HYDIN: variants seen among roughly 807,000 people sequenced by gnomAD.
HYDIN encodes the protein HYDIN axonemal central pair apparatus protein, also known as axonemal central pair apparatus protein HYDIN.
In HYDIN, 132 loss-of-function variants were observed where a neutral mutation model predicts 403.9. That is an observed-to-expected ratio of 0.33 (90% CI 0.28 to 0.38). HYDIN has a LOEUF of 0.38. Ranked by LOEUF, HYDIN falls within the 10% of genes least tolerant of loss-of-function variation. The pLI is 1.00. For missense variants in HYDIN, 2,827 were observed against 5,009.5 expected (o/e 0.56, Z 13.15); for synonymous variants, 1,202 against 1,891.7 (o/e 0.64, Z 9.46).
At chr16:71,172,450 T>A (rs1304376486) in intron 5 of HYDIN, among the ~76,000 whole-genome samples, 1 of 152,240 alleles carries the variant, frequency 6.6e-6, no homozygotes, top group East Asian at 1.9e-4. Context: ...ATGATGACAC[T>A]GGCTATCACA....
chr16:71,226,303 CTGATTT>C (rs1380268862), intron 1 of HYDIN, among the ~76,000 whole-genome samples: 1 of 152,130 alleles, frequency 6.6e-6, no homozygotes, highest in Middle Eastern at 3.2e-3. Flanking sequence ...ACATGGTCAA[CTGATTT>C]TTGACAAAGG....
intron 75 of HYDIN, among the ~76,000 whole-genome samples, chr16:70,846,458 C>T (rs2038209974): frequency 6.7e-6 from 1 of 150,026 alleles, no homozygotes; most frequent in East Asian, 2.0e-4. Context: ...AGCTTTACTT[C>T]CAAGTATGTG....
At position 70,964,868 on chromosome 16, in the gene HYDIN, G is replaced by T; in HGVS notation, c.5648C>A (p.Ser1883Tyr). Residue 1883 changes from serine (S) to tyrosine (Y), a missense_variant, in exon 37 of 86, where the codon TCC (serine) becomes TAC (tyrosine). Coordinates refer to ENST00000393567, the MANE Select transcript of HYDIN (RefSeq NM_001270974.2). Reference protein sequence around the residue: ...KILRKLKGYDSYNTLLLPPRN... With the variant: ...KILRKLKGYDYYNTLLLPPRN... ...GGGAGGCAGCAGCAGGGTGTTGTAG[G>T]AATCATAGCCCTTCAGCTTCCGCAA... 1 of 1,613,660 alleles carries T rather than the reference G, an allele frequency of 6.2e-7. No individual in the cohort carries two copies. The highest frequency in any genetic ancestry group is 8.5e-7 in the Non-Finnish European group (1 of 1,179,856).
intron 83 of HYDIN, among the ~76,000 whole-genome samples, chr16:70,823,014 T>C (rs1215270869): frequency 1.2e-5 from 1 of 81,222 alleles, no homozygotes; most frequent in Non-Finnish European, 2.4e-5. Flanking sequence ...TGTAATTTAA[T>C]TTTCTGCCTC....
chr16:71,198,836 CA>C (rs2087839322), intron 1 of HYDIN, among the ~76,000 whole-genome samples: 2 of 152,154 alleles, frequency 1.3e-5, no homozygotes, highest in Non-Finnish European at 2.9e-5. Context: ...CAAACTCAGA[CA>C]AGTTGGTAAT....
intron 11 of HYDIN, 31 bp downstream of exon 11, chr16:71,093,786 T>G: frequency 6.2e-7 from 1 of 1,605,538 alleles, no homozygotes; most frequent in Non-Finnish European, 8.5e-7. Context: ...AAGTACTGTT[T>G]GAAGTATCAA....
intron 18 of HYDIN, among the ~76,000 whole-genome samples, chr16:71,057,774 T>G (rs1324219019): frequency 6.8e-6 from 1 of 147,426 alleles, no homozygotes; most frequent in East Asian, 2.0e-4. Context: ...CATCAAAAAG[T>G]GGGCGAAGGA....
chr16:71,054,357 T>C (rs1318807708), intron 18 of HYDIN, among the ~76,000 whole-genome samples: 6 of 152,400 alleles, frequency 3.9e-5, no homozygotes, highest in Admixed American at 3.3e-4. Context: ...AATCTACTCA[T>C]TGAAGCCTGA....
intron 84 of HYDIN, 138 bp from the exon 85 acceptor site, chr16:70,810,145 C>T: frequency 1.3e-6 from 1 of 748,934 alleles, no homozygotes; most frequent in African/African-American, 1.7e-5. Context: ...TCCTGGGGAA[C>T]CTGTCCAAAC....
At chr16:71,022,563 GACAGA>G (rs2080537056) in intron 21 of HYDIN, among the ~76,000 whole-genome samples, 1 of 152,054 alleles carries the variant, frequency 6.6e-6, no homozygotes, top group South Asian at 2.1e-4. Context: ...AAATCAGGGA[GACAGA>G]ACAGATAATT....
chr16:71,174,790 C>G (rs73579049), intron 5 of HYDIN, among the ~76,000 whole-genome samples: 6,635 of 152,248 alleles, frequency 0.044, 213 homozygotes, highest in Middle Eastern at 0.092. Context: ...ACTGCAGGCT[C>G]TTCTTAGACT....
chr16:71,108,551 C>A (rs10744984), intron 10 of HYDIN, among the ~76,000 whole-genome samples: 1 of 151,962 alleles, frequency 6.6e-6, no homozygotes, highest in East Asian at 1.9e-4. Flanking sequence ...AGTTTCCAAT[C>A]GTTGCTACAA....
At chr16:70,889,745 CG>C in intron 57 of HYDIN, 41 bp from the exon 58 acceptor site, 3 of 631,774 alleles carry the variant, frequency 4.7e-6, no homozygotes, top group Admixed American at 3.2e-5. Flanking sequence ...ATTGTGGGGT[CG>C]GGGGTAACAT....
chr16:71,188,366 G>A (rs1030359419), intron 1 of HYDIN, among the ~76,000 whole-genome samples: 1 of 152,116 alleles, frequency 6.6e-6, no homozygotes, highest in South Asian at 2.1e-4. Context: ...TCTTCTAGGC[G>A]CATGAGTGGC....
At chr16:70,864,156 C>A (rs1479260909) in intron 67 of HYDIN, among the ~76,000 whole-genome samples, 1 of 151,078 alleles carries the variant, frequency 6.6e-6, no homozygotes, top group Non-Finnish European at 1.5e-5. Context: ...CATAGTGAAA[C>A]CCTGTCTCTT....
At chr16:71,028,607 T>C (rs1005855203) in intron 19 of HYDIN, among the ~76,000 whole-genome samples, 1 of 151,950 alleles carries the variant, frequency 6.6e-6, no homozygotes, top group African/African-American at 2.4e-5. Flanking sequence ...AATATTTTCT[T>C]AGGGAAAAAC....
chr16:70,933,692 G>A (rs1006423840), intron 45 of HYDIN: 1 of 154,786 alleles, frequency 6.5e-6, no homozygotes, highest in African/African-American at 2.4e-5. Flanking sequence ...TTCCCAGCAG[G>A]GAGTGTCACA....
At chr16:70,973,019 G>C (rs1504905) in intron 35 of HYDIN, among the ~76,000 whole-genome samples, 7 of 151,638 alleles carry the variant, frequency 4.6e-5, no homozygotes, top group African/African-American at 1.7e-4. Flanking sequence ...TATGCAACAT[G>C]ACTATTTTTT....
intron 28 of HYDIN, among the ~76,000 whole-genome samples, chr16:70,984,091 T>C (rs1477928228): frequency 6.6e-6 from 1 of 152,248 alleles, no homozygotes; most frequent in Non-Finnish European, 1.5e-5. Context: ...CTGGGCGAGA[T>C]GGGGCTCACG....
Sources: allele counts gnomAD v4.1 joint callset (sites outside exome capture counted in the v4.1 genomes callset), GRCh38; gene constraint gnomAD v4.1.1; transcripts MANE v1.5; gene names NCBI Gene and HGNC (gene_info 2026-07-23, HGNC 2026-07-21).